The following RNU5B-1 variants were observed in gnomAD, a reference collection of about 807,000 sequenced individuals.
RNU5B-1 encodes the protein RNA, U5B small nuclear 1, also known as RNA, U5B small nuclear pseudogene 1.
chr15:65,304,743 A>T (rs780862648), exon 1 of RNU5B-1: 1 of 152,214 alleles, frequency 6.6e-6, no homozygotes, highest in Non-Finnish European at 1.5e-5. Context: ...GTGGAGAGGA[A>T]CAACTCTGAG....
exon 1 of RNU5B-1, chr15:65,304,786 C>CT (rs907376183): frequency 2.6e-5 from 4 of 151,628 alleles, no homozygotes; most frequent in South Asian, 2.1e-4. Context: ...CTTGTTCCGA[C>CT]AAGGCTATAT....
At chr15:65,304,688 T>TC (rs2090797811) in exon 1 of RNU5B-1, 1 of 152,240 alleles carries the variant, frequency 6.6e-6, no homozygotes. Context: ...TACTCTGGTT[T>TC]CTCTTCAGAT....
At chr15:65,304,733 G>T (rs940555394) in exon 1 of RNU5B-1, 1 of 152,122 alleles carries the variant, frequency 6.6e-6, no homozygotes, top group Non-Finnish European at 1.5e-5. Context: ...AAAGATTTCC[G>T]TGGAGAGGAA....
At chr15:65,304,734 T>G (rs896777237) in exon 1 of RNU5B-1, 1 of 152,170 alleles carries the variant, frequency 6.6e-6, no homozygotes, top group Non-Finnish European at 1.5e-5. Flanking sequence ...AAGATTTCCG[T>G]GGAGAGGAAC....
At chr15:65,304,697 A>T (rs186005525) in exon 1 of RNU5B-1, 2 of 152,200 alleles carry the variant, frequency 1.3e-5, no homozygotes, top group Non-Finnish European at 2.9e-5. Context: ...TTCTCTTCAG[A>T]TCGTATAAAT....
chr15:65,304,691 C>G (rs774266085), exon 1 of RNU5B-1: 2 of 152,170 alleles, frequency 1.3e-5, no homozygotes, highest in Non-Finnish European at 2.9e-5. Context: ...TCTGGTTTCT[C>G]TTCAGATCGT....
At chr15:65,304,689 C>G (rs117933053) in exon 1 of RNU5B-1, 6 of 152,162 alleles carry the variant, frequency 3.9e-5, no homozygotes, top group African/African-American at 7.2e-5. Flanking sequence ...ACTCTGGTTT[C>G]TCTTCAGATC....
chr15:65,304,734 T>C (rs896777237), exon 1 of RNU5B-1: 2 of 152,170 alleles, frequency 1.3e-5, no homozygotes, highest in Non-Finnish European at 2.9e-5. Flanking sequence ...AAGATTTCCG[T>C]GGAGAGGAAC....
At chr15:65,304,744 C>G (rs957021682) in exon 1 of RNU5B-1, 1 of 152,144 alleles carries the variant, frequency 6.6e-6, no homozygotes, top group Non-Finnish European at 1.5e-5. Context: ...TGGAGAGGAA[C>G]AACTCTGAGT....
chr15:65,304,782 C>G (rs4776685), exon 1 of RNU5B-1: 1 of 151,840 alleles, frequency 6.6e-6, no homozygotes, highest in Non-Finnish European at 1.5e-5. Flanking sequence ...AGGCCTTGTT[C>G]CGACAAGGCT....
chr15:65,304,749 C>CT (rs1185666706), exon 1 of RNU5B-1: 7 of 152,146 alleles, frequency 4.6e-5, no homozygotes, highest in Admixed American at 6.5e-5. Flanking sequence ...AGGAACAACT[C>CT]TGAGTCTTAA....
At chr15:65,304,728 T>C (rs1169309458) in exon 1 of RNU5B-1, 3 of 152,218 alleles carry the variant, frequency 2.0e-5, no homozygotes, top group Admixed American at 6.5e-5. Context: ...TTACTAAAGA[T>C]TTCCGTGGAG....
exon 1 of RNU5B-1, chr15:65,304,779 G>T (rs762301845): frequency 2.0e-5 from 3 of 151,978 alleles, no homozygotes; most frequent in Admixed American, 6.6e-5. Flanking sequence ...TTGAGGCCTT[G>T]TTCCGACAAG....
exon 1 of RNU5B-1, chr15:65,304,742 A>T (rs57214026): frequency 6.6e-6 from 1 of 152,168 alleles, no homozygotes; most frequent in Non-Finnish European, 1.5e-5. Flanking sequence ...CGTGGAGAGG[A>T]ACAACTCTGA....
exon 1 of RNU5B-1, chr15:65,304,697 A>G (rs186005525): frequency 3.3e-5 from 5 of 152,200 alleles, no homozygotes; most frequent in African/African-American, 7.2e-5. Context: ...TTCTCTTCAG[A>G]TCGTATAAAT....
chr15:65,304,784 G>C (rs758792502), exon 1 of RNU5B-1: 1 of 151,702 alleles, frequency 6.6e-6, no homozygotes, highest in Non-Finnish European at 1.5e-5. Context: ...GCCTTGTTCC[G>C]ACAAGGCTAT....
exon 1 of RNU5B-1, chr15:65,304,684 G>A (rs370583711): frequency 2.6e-5 from 4 of 152,228 alleles, no homozygotes; most frequent in African/African-American, 4.8e-5. Context: ...AGCATACTCT[G>A]GTTTCTCTTC....
Sources: gnomAD v4.1 joint callset for allele counts on GRCh38, gnomAD v4.1.1 for gene constraint, MANE v1.5 for transcripts, NCBI Gene and HGNC (gene_info 2026-07-23, HGNC 2026-07-21) for gene names.